PCDHA3: variants seen among roughly 807,000 people sequenced by gnomAD.
The protein encoded by PCDHA3 is protocadherin alpha 3.
In PCDHA3, 41 loss-of-function variants were observed where a neutral mutation model predicts 62.2. That is an observed-to-expected ratio of 0.66 (90% CI 0.51 to 0.86). PCDHA3 has a LOEUF of 0.86. Among genes scored for constraint, PCDHA3 ranks in the 40% least tolerant of loss-of-function variants. PCDHA3 has a pLI of 0.00. For missense variants in PCDHA3, 1,304 were observed against 1,241.2 expected (o/e 1.05, Z -0.76); for synonymous variants, 640 against 555.4 (o/e 1.15, Z -2.14).
At chr5:140,977,055 A>G (rs1220462981) in intron 1 of PCDHA3, among the ~76,000 whole-genome samples, 1 of 152,234 alleles carries the variant, frequency 6.6e-6, no homozygotes, top group Non-Finnish European at 1.5e-5. Context: ...CTGATGGACT[A>G]GTATAGAAAA....
At chr5:140,988,483 C>T (rs2097299555) in intron 3 of PCDHA3, among the ~76,000 whole-genome samples, 2 of 152,030 alleles carry the variant, frequency 1.3e-5, no homozygotes, top group African/African-American at 4.8e-5. Context: ...AATTAGCATC[C>T]CCTACCTAGG....
At chr5:140,808,081 T>G (rs782221936) in intron 1 of PCDHA3, 1 of 1,613,918 alleles carries the variant, frequency 6.2e-7, no homozygotes, top group African/African-American at 1.3e-5. Context: ...TAGATCCAAT[T>G]ACTGGACAAA....
chr5:140,842,853 A>C lies in PCDHA3; in HGVS notation c.2394+39262A>C. On this transcript the variant is annotated intron_variant, in intron 1 of 3. Transcript: ENST00000522353. ...TCGCTGTCGAGCTACATTTCGGTGC[A>C]CACGGAGAGCGGCAAGGTGTACGCG... is the stretch of plus-strand genomic sequence containing the variant. 6.3e-7 allele frequency: 1 copy of C among 1,593,882 alleles called. No individual in the cohort carries two copies. Among genetic ancestry groups the C allele is most frequent in the Middle Eastern group, 2.1e-4 (1 of 4,734 alleles).
At chr5:140,821,675 A>G in intron 1 of PCDHA3, 2 of 1,308,536 alleles carry the variant, frequency 1.5e-6, no homozygotes, top group South Asian at 3.0e-5. Context: ...GAAGCTCAGA[A>G]AGGCGATAAT....
intron 1 of PCDHA3, chr5:140,810,412 C>G (rs546354293): frequency 6.6e-6 from 1 of 152,182 alleles, no homozygotes; most frequent in Admixed American, 6.5e-5. Flanking sequence ...TAACACCAAC[C>G]AATTTTCCAA....
At chr5:140,985,608 G>A (rs76669319) in intron 3 of PCDHA3, among the ~76,000 whole-genome samples, 1,553 of 152,166 alleles carry the variant, frequency 0.01, 12 homozygotes, top group Middle Eastern at 0.054. Context: ...AGCCCTTTCC[G>A]TGAACCAGCT....
intron 1 of PCDHA3, among the ~76,000 whole-genome samples, chr5:140,911,001 C>T (rs543025308): frequency 1.3e-5 from 2 of 152,220 alleles, no homozygotes; most frequent in African/African-American, 4.8e-5. Context: ...CCCCTAGGGC[C>T]CTCCTGGGAC....
chr5:140,966,113 A>T (rs1224729629), intron 1 of PCDHA3: 1 of 155,768 alleles, frequency 6.4e-6, no homozygotes, highest in African/African-American at 2.4e-5. Flanking sequence ...GGGTGCCCAT[A>T]CTTAGCTAAG....
chr5:140,837,617 C>T (rs1249058339), intron 1 of PCDHA3, among the ~76,000 whole-genome samples: 2 of 146,230 alleles, frequency 1.4e-5, no homozygotes, highest in Non-Finnish European at 3.0e-5. Flanking sequence ...TAATTTGCCC[C>T]TTCCTTCCTT....
intron 1 of PCDHA3, among the ~76,000 whole-genome samples, chr5:140,912,933 C>T (rs1433213824): frequency 6.6e-6 from 1 of 152,070 alleles, no homozygotes; most frequent in African/African-American, 2.4e-5. Context: ...TTGAATCATC[C>T]TTGTATCCCT....
At chr5:141,003,486 T>C (rs1563677160) in intron 3 of PCDHA3, among the ~76,000 whole-genome samples, 2 of 152,054 alleles carry the variant, frequency 1.3e-5, no homozygotes. Flanking sequence ...CTAATTTTTA[T>C]AGTTTTAGTA....
intron 1 of PCDHA3, chr5:140,884,006 C>T (rs369069323): frequency 1.2e-6 from 2 of 1,612,906 alleles, no homozygotes; most frequent in African/African-American, 2.7e-5. Context: ...AGTGAGCGAG[C>T]TGATGCCGCG....
chr5:141,009,874 G>A lies in PCDHA3; in HGVS notation c.2790G>A (p.Lys930=), dbSNP rs1554262519. The A allele has an allele frequency of 6.2e-7, 1 of 1,613,836 alleles. No individual in the cohort carries two copies. Among genetic ancestry groups the A allele is most frequent in the African/African-American group, 1.3e-5 (1 of 74,824 alleles). ...CCAAGAAAAAGAAGAAAAAGAAGAA[G>A]GGTAACAAGACCCAGGAGAAAAAAG... ...EETKKKKKKK[K]GNKTQEKKEK... is the part of the protein sequence containing the mutation. Residue 930 remains lysine, a synonymous_variant, in exon 4 of 4, where the codon AAG becomes AAA. Transcript: ENST00000522353.
intron 1 of PCDHA3, chr5:140,829,432 C>T (rs1446310699): frequency 2.5e-6 from 4 of 1,613,988 alleles, no homozygotes; most frequent in Non-Finnish European, 3.4e-6. Context: ...AGGTGGCCGA[C>T]ATGAATGACA....
At chr5:140,827,320 A>C (rs1554130752) in intron 1 of PCDHA3, among the ~76,000 whole-genome samples, 1 of 152,256 alleles carries the variant, frequency 6.6e-6, no homozygotes, top group Non-Finnish European at 1.5e-5. Context: ...AAATTCCACT[A>C]GAATTTGAAG....
chr5:140,857,437 G>A (rs1554150030), intron 1 of PCDHA3: 2 of 1,598,552 alleles, frequency 1.3e-6, no homozygotes, highest in East Asian at 4.5e-5. Context: ...CGGTGTTCGT[G>A]AAGGAGAACA....
rs2150153849 is a variant in PCDHA3 at position 140,828,310 on chromosome 5, C to T, written c.2394+24719C>T. Reference sequence around the variant, plus strand: ...GGATGGCCTCCAAAGACCGCGAGGACCTTCTGGAGGTAAATCTGCAGAATG... The same window carrying T: ...GGATGGCCTCCAAAGACCGCGAGGATCTTCTGGAGGTAAATCTGCAGAATG... On this transcript the variant is annotated intron_variant, in intron 1 of 3. Coordinates refer to ENST00000522353, the MANE Select transcript of PCDHA3 (RefSeq NM_018906.3). 5.1e-5 allele frequency: 82 copies of T among 1,614,174 alleles called. 1 individual carries two copies. The South Asian group carries it at 8.1e-4, about 16-fold the overall frequency.
At chr5:140,877,299 C>G (rs374061607) in intron 1 of PCDHA3, 2 of 1,613,924 alleles carry the variant, frequency 1.2e-6, no homozygotes, top group Admixed American at 1.7e-5. Context: ...GGCTGTCCTA[C>G]GAGTTGCAAC....
At chr5:140,826,204 T>G (rs1396641472) in intron 1 of PCDHA3, among the ~76,000 whole-genome samples, 2 of 152,236 alleles carry the variant, frequency 1.3e-5, no homozygotes, top group South Asian at 4.1e-4. Context: ...ATGGTCACAT[T>G]TTAAAAAATC....
Sources: allele counts gnomAD v4.1 joint callset (sites outside exome capture counted in the v4.1 genomes callset), GRCh38; gene constraint gnomAD v4.1.1; transcripts MANE v1.5; gene names NCBI Gene and HGNC (gene_info 2026-07-23, HGNC 2026-07-21).